The following C10orf67 variants were observed in gnomAD, a reference collection of about 807,000 sequenced individuals.
C10orf67 encodes the protein chromosome 10 open reading frame 67.
A neutral mutation model predicts 35.6 loss-of-function variants in C10orf67; 60 were observed. The ratio of observed to expected loss-of-function variants is 1.68; its 90% CI spans 1.37 to 2.09. The LOEUF is 2.09. C10orf67 is among the 30% of genes most tolerant of loss of function. The pLI, the probability that C10orf67 is intolerant of heterozygous loss-of-function variation, is 0.00. For missense variants in C10orf67, 474 were observed against 330.2 expected (o/e 1.44, Z -3.38); for synonymous variants, 167 against 115.8 (o/e 1.44, Z -2.84).
intron 15 of C10orf67, among the ~76,000 whole-genome samples, chr10:23,205,458 A>T (rs1219096205): frequency 2.0e-5 from 3 of 152,232 alleles, no homozygotes; most frequent in Non-Finnish European, 4.4e-5. Flanking sequence ...AAAGAAATGA[A>T]ATTTCTTTTT....
intron 4 of C10orf67, among the ~76,000 whole-genome samples, chr10:23,314,286 T>C (rs1007542351): frequency 2.0e-5 from 3 of 151,970 alleles, no homozygotes; most frequent in Admixed American, 1.3e-4. Flanking sequence ...ATTTGTTATC[T>C]AGTGCTGCAT....
chr10:23,215,393 A>C (rs879389291), intron 15 of C10orf67, among the ~76,000 whole-genome samples: 5 of 151,478 alleles, frequency 3.3e-5, no homozygotes, highest in Non-Finnish European at 5.9e-5. Flanking sequence ...TCCCATGTTC[A>C]AGAGATTCTC....
At chr10:23,279,850 A>G (rs543076268) in intron 8 of C10orf67, among the ~76,000 whole-genome samples, 1 of 151,522 alleles carries the variant, frequency 6.6e-6, no homozygotes, top group African/African-American at 2.4e-5. Flanking sequence ...ATAAATAAAT[A>G]TTTATCTATT....
chr10:23,325,165 C>A (rs978774578), intron 2 of C10orf67, among the ~76,000 whole-genome samples: 2 of 152,026 alleles, frequency 1.3e-5, no homozygotes, highest in African/African-American at 4.8e-5. Context: ...AGTGAGACCT[C>A]ATCTCTACAA....
intron 2 of C10orf67, among the ~76,000 whole-genome samples, chr10:23,331,671 A>T (rs1324112869): frequency 7.1e-6 from 1 of 141,178 alleles, no homozygotes; most frequent in Admixed American, 7.0e-5. Context: ...AAGGAAAGGG[A>T]AAAGGGAAAG....
At chr10:23,331,854 C>T (rs935538897) in intron 2 of C10orf67, among the ~76,000 whole-genome samples, 2 of 151,994 alleles carry the variant, frequency 1.3e-5, no homozygotes, top group African/African-American at 4.8e-5. Context: ...CTGACCAGAA[C>T]GTGGTCATTT....
intron 4 of C10orf67, among the ~76,000 whole-genome samples, chr10:23,307,509 C>A (rs1464675877): frequency 1.3e-5 from 2 of 151,110 alleles, no homozygotes; most frequent in Non-Finnish European, 2.9e-5. Flanking sequence ...AATGAATGTA[C>A]AGTAGAATTA....
chr10:23,225,954 C>A (rs2132111911), intron 13 of C10orf67, among the ~76,000 whole-genome samples: 1 of 151,584 alleles, frequency 6.6e-6, no homozygotes. Flanking sequence ...AACAAGAGAC[C>A]TACAAAGAGA....
chr10:23,319,642 T>C (rs529053323), intron 4 of C10orf67, among the ~76,000 whole-genome samples: 2 of 152,336 alleles, frequency 1.3e-5, no homozygotes, highest in African/African-American at 4.8e-5. Context: ...TAAGCAAGTG[T>C]TCCCTTTTCT....
intron 13 of C10orf67, among the ~76,000 whole-genome samples, chr10:23,229,438 TGGGGGGA>T (rs1295007846): frequency 3.1e-5 from 2 of 64,050 alleles, no homozygotes; most frequent in East Asian, 1.1e-3. Flanking sequence ...TGTCATGGGG[TGGGGGGA>T]GGGGGGAGGG....
intron 10 of C10orf67, among the ~76,000 whole-genome samples, chr10:23,254,664 C>T (rs955994991): frequency 6.6e-6 from 1 of 152,180 alleles, no homozygotes; most frequent in Admixed American, 6.5e-5. Context: ...GCACTTATAT[C>T]ATATTTTTAA....
chr10:23,337,087 ACC>A (rs1364576952), intron 1 of C10orf67, among the ~76,000 whole-genome samples: 3 of 152,216 alleles, frequency 2.0e-5, no homozygotes, highest in African/African-American at 7.2e-5. Context: ...TCAGATTATA[ACC>A]CATTGAATAA....
intron 15 of C10orf67, among the ~76,000 whole-genome samples, chr10:23,217,050 T>G (rs1170273945): frequency 2.0e-5 from 3 of 152,230 alleles, no homozygotes; most frequent in Non-Finnish European, 4.4e-5. Flanking sequence ...TAAATAAAAT[T>G]ATTTCATCAT....
At chr10:23,328,421 C>G (rs1280243948) in intron 2 of C10orf67, among the ~76,000 whole-genome samples, 1 of 152,122 alleles carries the variant, frequency 6.6e-6, no homozygotes, top group African/African-American at 2.4e-5. Context: ...CCCTACTTCT[C>G]CCATATTCTC....
intron 5 of C10orf67, among the ~76,000 whole-genome samples, chr10:23,300,820 C>A (rs1395337972): frequency 6.6e-6 from 1 of 152,150 alleles, no homozygotes; most frequent in African/African-American, 2.4e-5. Flanking sequence ...GGGAATCATT[C>A]TTTTTCCTCT....
intron 1 of C10orf67, among the ~76,000 whole-genome samples, chr10:23,339,066 A>C (rs1003180079): frequency 6.6e-6 from 1 of 152,124 alleles, no homozygotes; most frequent in Non-Finnish European, 1.5e-5. Context: ...TCACGCCCAA[A>C]ATTATAGTTT....
chr10:23,207,790 T>C (rs931487086), intron 15 of C10orf67, among the ~76,000 whole-genome samples: 2 of 152,232 alleles, frequency 1.3e-5, no homozygotes, highest in Admixed American at 6.5e-5. Context: ...AAATTTACTT[T>C]CCTTTCACTC....
At chr10:23,344,019 C>A in intron 1 of C10orf67, 1 of 409,454 alleles carries the variant, frequency 2.4e-6, no homozygotes, top group Non-Finnish European at 5.2e-6. Flanking sequence ...CGGACGTGCG[C>A]CTCCCGCGGA....
intron 8 of C10orf67, 140 bp downstream of exon 8, chr10:23,281,872 AT>A (rs1466457890): frequency 5.0e-5 from 20 of 400,420 alleles, no homozygotes; most frequent in Non-Finnish European, 8.2e-5. Context: ...TATGTTTATA[AT>A]TTTACATGTA....
Sources: allele counts gnomAD v4.1 joint callset (sites outside exome capture counted in the v4.1 genomes callset), GRCh38; gene constraint gnomAD v4.1.1; transcripts MANE v1.5; gene names NCBI Gene and HGNC (gene_info 2026-07-23, HGNC 2026-07-21).